MEIKIN: variants seen among roughly 807,000 people sequenced by gnomAD.
The protein encoded by MEIKIN is meiosis-specific kinetochore protein.
intron 8 of MEIKIN, among the ~76,000 whole-genome samples, chr5:131,895,466 C>A (rs1020530785): frequency 3.9e-5 from 6 of 152,132 alleles, no homozygotes; most frequent in Non-Finnish European, 8.8e-5. Context: ...AGGAATGGTA[C>A]CAGCTCCTCT....
chr5:131,868,041 G>A (rs540679749), intron 9 of MEIKIN, among the ~76,000 whole-genome samples: 87 of 152,196 alleles, frequency 5.7e-4, no homozygotes, highest in Non-Finnish European at 1.0e-3. Context: ...TGTTGTCAGT[G>A]TTTTGGATTT....
At chr5:131,907,317 A>G (rs750521499) in intron 8 of MEIKIN, among the ~76,000 whole-genome samples, 2 of 152,082 alleles carry the variant, frequency 1.3e-5, no homozygotes, top group African/African-American at 2.4e-5. Flanking sequence ...TTAGTAGAAA[A>G]AAAAGATCAG....
chr5:131,875,765 CA>C (rs1483347974), intron 9 of MEIKIN, among the ~76,000 whole-genome samples: 2 of 152,150 alleles, frequency 1.3e-5, no homozygotes, highest in East Asian at 1.9e-4. Flanking sequence ...CTACAGTAAC[CA>C]AAACAGCATG....
At chr5:131,932,950 C>T (rs1751713471) in intron 5 of MEIKIN, among the ~76,000 whole-genome samples, 1 of 152,150 alleles carries the variant, frequency 6.6e-6, no homozygotes, top group African/African-American at 2.4e-5. Context: ...ACCTGATTAA[C>T]CTTCCAAACT....
At position 131,945,424 on chromosome 5, in the gene MEIKIN, G is replaced by C. The variant is rs886625377; in HGVS notation, c.82C>G (p.Pro28Ala). The C allele has an allele frequency of 1.2e-4, 46 of 399,170 alleles. No individual in the cohort carries two copies. The highest frequency in any genetic ancestry group is 1.1e-4 in the Non-Finnish European group (26 of 226,208). The allele number at this position is 399,170 out of a possible 1,614,324, so 24.7% of individuals were successfully genotyped here. ...CCTGGCGGGGCCTCGGCCTTCGCTGGAGAGCCTAGGTCTGGCGTCGGGGTG... is the reference window on the plus strand; with the variant it reads ...CCTGGCGGGGCCTCGGCCTTCGCTGCAGAGCCTAGGTCTGGCGTCGGGGTG... ...NLTPTPDLGS[P>A]AKAEAPPGSK... The change falls in exon 1 of 13, where the codon CCA becomes GCA. Residue 28 changes from proline (P) to alanine (A), a missense_variant. Physicochemically the swap from Pro to Ala is conservative, Grantham distance 27. Coordinates refer to ENST00000442687, the MANE Select transcript of MEIKIN (RefSeq NM_001303622.2).
At chr5:131,912,992 T>C (rs1452913327) in intron 7 of MEIKIN, among the ~76,000 whole-genome samples, 1 of 152,192 alleles carries the variant, frequency 6.6e-6, no homozygotes, top group African/African-American at 2.4e-5. Context: ...TTTAGAAATG[T>C]ACAGGAAAGT....
intron 8 of MEIKIN, among the ~76,000 whole-genome samples, chr5:131,903,164 A>C (rs754162272): frequency 7.9e-5 from 12 of 152,188 alleles, no homozygotes; most frequent in Non-Finnish European, 1.5e-4. Context: ...AAAGAGGCCT[A>C]ATCTATGAGT....
chr5:131,837,243 T>C (rs940874065), intron 11 of MEIKIN, among the ~76,000 whole-genome samples: 28 of 152,168 alleles, frequency 1.8e-4, no homozygotes, highest in African/African-American at 6.5e-4. Context: ...GCCAGTACAA[T>C]GCTGTTTTGG....
At chr5:131,835,587 A>G (rs143906910) in intron 11 of MEIKIN, among the ~76,000 whole-genome samples, 151 of 152,086 alleles carry the variant, frequency 9.9e-4, no homozygotes, top group South Asian at 6.2e-3. Flanking sequence ...ATTGGTGTAT[A>G]TATCTGTCTT....
chr5:131,886,182 C>T (rs979613755), intron 8 of MEIKIN, among the ~76,000 whole-genome samples: 2 of 152,108 alleles, frequency 1.3e-5, no homozygotes, highest in South Asian at 2.1e-4. Flanking sequence ...AGCTTCGAAA[C>T]GGCAAATCTT....
At chr5:131,816,319 G>C (rs1374097394) in intron 12 of MEIKIN, among the ~76,000 whole-genome samples, 1 of 152,210 alleles carries the variant, frequency 6.6e-6, no homozygotes, top group Non-Finnish European at 1.5e-5. Context: ...AAGCGTTGCT[G>C]TGAAGGTATT....
intron 6 of MEIKIN, among the ~76,000 whole-genome samples, chr5:131,917,696 A>C (rs1751434850): frequency 6.6e-6 from 1 of 152,182 alleles, no homozygotes; most frequent in Non-Finnish European, 1.5e-5. Flanking sequence ...TGCCTCAGGT[A>C]CATTAAGATA....
At chr5:131,917,360 G>A (rs1006584941) in intron 6 of MEIKIN, among the ~76,000 whole-genome samples, 7 of 151,960 alleles carry the variant, frequency 4.6e-5, no homozygotes, top group South Asian at 2.1e-4. Context: ...GAGGTCAGGC[G>A]TTCAAGACCA....
intron 11 of MEIKIN, among the ~76,000 whole-genome samples, chr5:131,819,380 T>C (rs975399764): frequency 1.4e-5 from 2 of 141,218 alleles, no homozygotes; most frequent in East Asian, 2.2e-4. Flanking sequence ...TGCAGGAGGA[T>C]TCCTTGAGGC....
At chr5:131,893,544 G>A (rs1354540840) in intron 8 of MEIKIN, among the ~76,000 whole-genome samples, 1 of 152,232 alleles carries the variant, frequency 6.6e-6, no homozygotes, top group Non-Finnish European at 1.5e-5. Context: ...CTTCCCGGGT[G>A]AGGCGATGCC....
At position 131,908,924 on chromosome 5, in the gene MEIKIN, A is replaced by G. The variant is rs545927731; in HGVS notation, c.703+2891T>C. On this transcript the variant is annotated intron_variant, in intron 8 of 12. Transcript: ENST00000442687. Reference sequence around the variant, plus strand: ...GAAACACTGATGCAAAAAATTGAAGAAGACAGCAAAAAATTGGAAAGATAT... The same window carrying G: ...GAAACACTGATGCAAAAAATTGAAGGAGACAGCAAAAAATTGGAAAGATAT... Among the ~76,000 whole-genome samples, 4 of 152,294 alleles carry G rather than the reference A, an allele frequency of 2.6e-5. No individual in the cohort carries two copies. The East Asian group carries it at 7.7e-4, about 29-fold the overall frequency.
chr5:131,830,714 G>C (rs916672594), intron 11 of MEIKIN, among the ~76,000 whole-genome samples: 42 of 152,208 alleles, frequency 2.8e-4, no homozygotes, highest in African/African-American at 9.6e-4. Flanking sequence ...CCCTTAACCA[G>C]AACTGAAAAA....
chr5:131,860,258 T>C (rs1316410751), intron 9 of MEIKIN, among the ~76,000 whole-genome samples: 1 of 151,874 alleles, frequency 6.6e-6, no homozygotes, highest in African/African-American at 2.4e-5. Context: ...GATCTTTCAC[T>C]TCTTGGTTAA....
At chr5:131,933,465 G>C (rs1751721447) in intron 5 of MEIKIN, 48 bp downstream of exon 5, 1 of 395,048 alleles carries the variant, frequency 2.5e-6, no homozygotes. Context: ...GTGGACAAAA[G>C]AATAATTTCT....
Sources: allele counts gnomAD v4.1 joint callset (sites outside exome capture counted in the v4.1 genomes callset), GRCh38; gene constraint gnomAD v4.1.1; transcripts MANE v1.5; gene names NCBI Gene and HGNC (gene_info 2026-07-23, HGNC 2026-07-21).